CD109: variants seen among roughly 807,000 people sequenced by gnomAD.
The protein encoded by CD109 is CD109 antigen.
Under a neutral mutation model 165.8 loss-of-function variants are expected in CD109, and 149 were observed. The observed-to-expected ratio is 0.90, with a 90% CI of 0.79 to 1.03. CD109 has a LOEUF of 1.03. CD109 is among the 50% of genes least tolerant of loss of function. The pLI is 0.00. For synonymous variants in CD109, 585 were observed against 592.1 expected, an observed-to-expected ratio of 0.99 and a Z score of 0.18; for missense variants, 1,712 against 1,677.8, an observed-to-expected ratio of 1.02 and a Z score of -0.36.
intron 23 of CD109, among the ~76,000 whole-genome samples, chr6:73,798,662 T>C (rs1488827077): frequency 6.6e-6 from 1 of 152,102 alleles, no homozygotes; most frequent in East Asian, 1.9e-4. Context: ...GCAAAACTGG[T>C]GATTGTCTGT....
At chr6:73,780,846 T>A (rs1774461997) in intron 16 of CD109, among the ~76,000 whole-genome samples, 1 of 147,462 alleles carries the variant, frequency 6.8e-6, no homozygotes, top group South Asian at 2.1e-4. Flanking sequence ...ATATAATATA[T>A]AAATATATTT....
At chr6:73,781,130 T>C in intron 16 of CD109, 129 bp from the exon 17 acceptor site, 1 of 645,646 alleles carries the variant, frequency 1.5e-6, no homozygotes, top group Non-Finnish European at 2.7e-6. Flanking sequence ...AGGTTGAATG[T>C]ATGTGCATGT....
chr6:73,788,097 G>T (rs1245878737), intron 21 of CD109, among the ~76,000 whole-genome samples: 1 of 152,074 alleles, frequency 6.6e-6, no homozygotes, highest in East Asian at 1.9e-4. Flanking sequence ...AATGGTACGC[G>T]CTGTGTCATC....
intron 19 of CD109, among the ~76,000 whole-genome samples, chr6:73,784,274 A>G (rs935850558): frequency 4.0e-5 from 6 of 148,864 alleles, no homozygotes; most frequent in African/African-American, 1.5e-4. Context: ...CAGGAGGAAT[A>G]TAATGACCAT....
intron 32 of CD109, among the ~76,000 whole-genome samples, chr6:73,820,781 A>T: frequency 6.6e-6 from 1 of 151,932 alleles, no homozygotes; most frequent in East Asian, 1.9e-4. Context: ...ATGAAATTTA[A>T]AAATGATATA....
chr6:73,783,000 A>G (rs1473515401), intron 18 of CD109, among the ~76,000 whole-genome samples: 2 of 149,742 alleles, frequency 1.3e-5, no homozygotes, highest in African/African-American at 4.9e-5. Flanking sequence ...TTTTAACTGA[A>G]GGGTGATTTT....
chr6:73,706,067 C>T (rs764269041), intron 2 of CD109, among the ~76,000 whole-genome samples: 43 of 152,012 alleles, frequency 2.8e-4, no homozygotes, highest in Non-Finnish European at 5.9e-4. Context: ...AACCCTCATA[C>T]TTTCTTCTTT....
chr6:73,741,232 C>A (rs541102306), intron 5 of CD109, among the ~76,000 whole-genome samples: 1 of 152,100 alleles, frequency 6.6e-6, no homozygotes, highest in East Asian at 1.9e-4. Flanking sequence ...TATACGTGTG[C>A]TTAATTGACA....
chr6:73,802,287 G>GTATATATATA (rs1325164770), intron 23 of CD109, among the ~76,000 whole-genome samples: 66 of 94,760 alleles, frequency 7.0e-4, no homozygotes, highest in South Asian at 1.7e-3. Flanking sequence ...GTGTGTGTGT[G>GTATATATATA]TGTATATATA....
intron 2 of CD109, among the ~76,000 whole-genome samples, chr6:73,716,347 A>C (rs1771744660): frequency 6.6e-6 from 1 of 151,928 alleles, no homozygotes; most frequent in African/African-American, 2.4e-5. Flanking sequence ...TTTATGAGGA[A>C]CCTCCAAACT....
intron 5 of CD109, among the ~76,000 whole-genome samples, chr6:73,750,817 CATT>C (rs796450055): frequency 2.0e-4 from 31 of 152,256 alleles, no homozygotes; most frequent in African/African-American, 7.2e-4. Flanking sequence ...TAAAAAAGCA[CATT>C]ATTTTTGTGC....
rs1428523289 is a variant in CD109, at chr6:73,781,300, G to A, written c.1944G>A (p.Lys648=). ...TATTGACAGATGCAAACCTCACGAA[G>A]GATTATATTGATGGTGTTTGTAAGT... ...LWVLTDANLT[K]DYIDGVYDNA... The change falls in exon 17 of 33, where the codon AAG becomes AAA. Residue 648 remains lysine, a synonymous_variant. Transcript: ENST00000287097. 1.9e-6 allele frequency: 3 copies of A among 1,613,052 alleles called. No individual in the cohort carries two copies. The highest frequency in any genetic ancestry group is 8.5e-7 in the Non-Finnish European group (1 of 1,179,220).
chr6:73,821,522 C>T (rs1776106930), intron 32 of CD109, among the ~76,000 whole-genome samples: 1 of 152,166 alleles, frequency 6.6e-6, no homozygotes, highest in Non-Finnish European at 1.5e-5. Flanking sequence ...AGATGTACAT[C>T]ATGGAATACT....
At chr6:73,712,369 A>G (rs1225767563) in intron 2 of CD109, among the ~76,000 whole-genome samples, 2 of 152,272 alleles carry the variant, frequency 1.3e-5, no homozygotes, top group African/African-American at 4.8e-5. Flanking sequence ...TAAAAAAGTG[A>G]TAATAAATTT....
intron 29 of CD109, among the ~76,000 whole-genome samples, 181 bp from the exon 30 acceptor site, chr6:73,814,800 T>G (rs1036145282): frequency 6.6e-6 from 1 of 152,176 alleles, no homozygotes. Context: ...TTTATAAATT[T>G]TAATACTATT....
chr6:73,708,774 T>G (rs1771404452), intron 2 of CD109, among the ~76,000 whole-genome samples: 1 of 152,228 alleles, frequency 6.6e-6, no homozygotes, highest in South Asian at 2.1e-4. Context: ...TTTCCATGTG[T>G]TTTTTGGCTG....
intron 5 of CD109, among the ~76,000 whole-genome samples, chr6:73,756,186 ATTAT>A (rs1380936962): frequency 2.0e-5 from 3 of 152,230 alleles, no homozygotes; most frequent in African/African-American, 7.2e-5. Flanking sequence ...TGCATCCTTA[ATTAT>A]TTATAAGTAT....
intron 5 of CD109, among the ~76,000 whole-genome samples, chr6:73,751,134 A>G (rs1158644106): frequency 6.6e-6 from 1 of 152,172 alleles, no homozygotes; most frequent in African/African-American, 2.4e-5. Flanking sequence ...TTCTCATCTG[A>G]TGTATAAGGA....
At chr6:73,778,035 C>T (rs9293940) in intron 15 of CD109, among the ~76,000 whole-genome samples, 59,289 of 152,074 alleles carry the variant, frequency 0.39, 11,864 homozygotes, top group African/African-American at 0.48. Context: ...TTCTTCCTAT[C>T]CATGAGCATG....
Sources: allele counts gnomAD v4.1 joint callset (sites outside exome capture counted in the v4.1 genomes callset), GRCh38; gene constraint gnomAD v4.1.1; transcripts MANE v1.5; gene names NCBI Gene and HGNC (gene_info 2026-07-23, HGNC 2026-07-21).